The following CNTN5 variants were observed in gnomAD, a reference collection of about 807,000 sequenced individuals.
CNTN5 encodes the protein contactin 5.
In CNTN5, 77 loss-of-function variants were observed where a neutral mutation model predicts 129.1. That is an observed-to-expected ratio of 0.60 (90% CI 0.50 to 0.72). The LOEUF is 0.72. Among genes scored for constraint, CNTN5 ranks in the 30% least tolerant of loss-of-function variants. CNTN5 has a pLI of 0.00. For missense variants in CNTN5, 1,478 were observed against 1,328.8 expected (o/e 1.11, Z -1.75); for synonymous variants, 509 against 465.6 (o/e 1.09, Z -1.20).
At chr11:99,835,943 G>A (rs1947288244) in intron 4 of CNTN5, among the ~76,000 whole-genome samples, 9 of 152,030 alleles carry the variant, frequency 5.9e-5, no homozygotes, top group Admixed American at 5.9e-4. Flanking sequence ...GAGGGTTGTT[G>A]GATCTTATGC....
At chr11:99,499,088 G>C (rs76337755) in intron 2 of CNTN5, among the ~76,000 whole-genome samples, 2,998 of 152,190 alleles carry the variant, frequency 0.02, 139 homozygotes, top group East Asian at 0.13. Context: ...TTATCAGATA[G>C]AAGATATTTT....
chr11:99,959,499 C>G (rs1206209143), intron 8 of CNTN5, among the ~76,000 whole-genome samples: 1 of 152,160 alleles, frequency 6.6e-6, no homozygotes, highest in Non-Finnish European at 1.5e-5. Context: ...ATTCCTCCAT[C>G]CTGTACTATT....
intron 13 of CNTN5, among the ~76,000 whole-genome samples, chr11:100,112,717 T>C (rs1453410827): frequency 6.6e-6 from 1 of 152,184 alleles, no homozygotes; most frequent in Non-Finnish European, 1.5e-5. Context: ...TCAGCTCATT[T>C]TGAGATTGAT....
At chr11:99,499,049 T>TA (rs1264987697) in intron 2 of CNTN5, among the ~76,000 whole-genome samples, 2 of 152,174 alleles carry the variant, frequency 1.3e-5, no homozygotes, top group African/African-American at 2.4e-5. Flanking sequence ...ACTATTGAGT[T>TA]ACTGCTTTCT....
At chr11:99,981,100 A>ATATATATATATATATATATT (rs1938316115) in intron 8 of CNTN5, among the ~76,000 whole-genome samples, 1 of 60,076 alleles carries the variant, frequency 1.7e-5, no homozygotes, top group Non-Finnish European at 3.2e-5. Flanking sequence ...ATATATATAT[A>ATATATATATATATATATATT]TATACACACA....
chr11:100,058,882 G>A (rs1282718603), intron 9 of CNTN5, among the ~76,000 whole-genome samples: 2 of 152,100 alleles, frequency 1.3e-5, no homozygotes, highest in Non-Finnish European at 2.9e-5. Flanking sequence ...ACACAAATTA[G>A]GACTTTGCTG....
At chr11:99,815,133 G>T (rs918406006) in intron 3 of CNTN5, among the ~76,000 whole-genome samples, 3 of 151,860 alleles carry the variant, frequency 2.0e-5, no homozygotes, top group Non-Finnish European at 4.4e-5. Context: ...GATGGGATTT[G>T]GGTGGGGACA....
chr11:99,718,480 T>C (rs999999640), intron 3 of CNTN5, among the ~76,000 whole-genome samples: 4 of 152,094 alleles, frequency 2.6e-5, no homozygotes, highest in African/African-American at 7.2e-5. Flanking sequence ...GAACCAAATA[T>C]AGACAAGTAA....
At chr11:100,241,332 C>T (rs1949737955) in intron 16 of CNTN5, among the ~76,000 whole-genome samples, 1 of 152,156 alleles carries the variant, frequency 6.6e-6, no homozygotes, top group Admixed American at 6.6e-5. Context: ...CAAGTGTCTA[C>T]AACTTCAACT....
chr11:99,619,722 T>C (rs1950870696), intron 3 of CNTN5, among the ~76,000 whole-genome samples: 1 of 152,042 alleles, frequency 6.6e-6, no homozygotes, highest in Non-Finnish European at 1.5e-5. Flanking sequence ...TTACATAAAA[T>C]GTGAAATACT....
At chr11:99,801,585 G>T (rs956804620) in intron 3 of CNTN5, among the ~76,000 whole-genome samples, 2 of 151,794 alleles carry the variant, frequency 1.3e-5, no homozygotes, top group Non-Finnish European at 2.9e-5. Flanking sequence ...CATAAGTTTG[G>T]TTGCTTTATG....
intron 3 of CNTN5, among the ~76,000 whole-genome samples, chr11:99,752,414 A>G (rs940599027): frequency 4.6e-5 from 7 of 152,242 alleles, no homozygotes; most frequent in African/African-American, 1.7e-4. Context: ...TGAATAAATG[A>G]AAAGATAAAT....
intron 2 of CNTN5, among the ~76,000 whole-genome samples, chr11:99,423,394 G>T (rs1254919322): frequency 6.6e-6 from 1 of 152,192 alleles, no homozygotes; most frequent in Non-Finnish European, 1.5e-5. Context: ...CAAAGAGATG[G>T]CTCCTTGGTC....
At chr11:99,903,622 T>G (rs1949416599) in intron 6 of CNTN5, among the ~76,000 whole-genome samples, 3 of 152,072 alleles carry the variant, frequency 2.0e-5, no homozygotes, top group Admixed American at 2.0e-4. Flanking sequence ...CCTGAGGAGT[T>G]GAAAGAAACA....
rs191482720 is a variant in CNTN5 at position 100,188,000 on chromosome 11, C to A, written c.1581-3126C>A. ...AAGAAAACTATCAATATAGTAAATA[C>A]CCTGCAGAATGGGAGAAAATATTCT... On this transcript the variant is annotated intron_variant, in intron 13 of 24. Transcript: ENST00000524871. Among the ~76,000 whole-genome samples the A allele has an allele frequency of 1.4e-3, 217 of 152,196 alleles. 1 individual carries two copies. The highest frequency in any genetic ancestry group is 8.4e-4 in the Non-Finnish European group (57 of 68,016).
intron 2 of CNTN5, among the ~76,000 whole-genome samples, chr11:99,473,133 T>C (rs1359218415): frequency 2.0e-5 from 3 of 152,182 alleles, no homozygotes; most frequent in Non-Finnish European, 1.5e-5. Context: ...CTAGTTCTTA[T>C]ACTAGAATGA....
chr11:99,323,828 G>A (rs144300146), intron 1 of CNTN5, among the ~76,000 whole-genome samples: 158 of 151,954 alleles, frequency 1.0e-3, no homozygotes, highest in Middle Eastern at 3.4e-3. Flanking sequence ...GCATAAAGCA[G>A]AAATGTAAAA....
intron 2 of CNTN5, among the ~76,000 whole-genome samples, chr11:99,415,402 T>C (rs1052892915): frequency 6.6e-6 from 1 of 152,166 alleles, no homozygotes; most frequent in African/African-American, 2.4e-5. Flanking sequence ...CTTCTTGGCC[T>C]CTCTGTGAGG....
At chr11:99,126,512 T>C (rs932343623) in intron 1 of CNTN5, among the ~76,000 whole-genome samples, 1 of 152,162 alleles carries the variant, frequency 6.6e-6, no homozygotes, top group African/African-American at 2.4e-5. Flanking sequence ...CAAGGTGTAA[T>C]GTGTGGTGTT....
Sources: allele counts gnomAD v4.1 joint callset (sites outside exome capture counted in the v4.1 genomes callset), GRCh38; gene constraint gnomAD v4.1.1; transcripts MANE v1.5; gene names NCBI Gene and HGNC (gene_info 2026-07-23, HGNC 2026-07-21).